DPP6: variants seen among roughly 807,000 people sequenced by gnomAD.
DPP6 encodes dipeptidyl peptidase like 6.
Under a neutral mutation model 122.6 loss-of-function variants are expected in DPP6, and 69 were observed. The observed-to-expected ratio is 0.56, with a 90% confidence interval of 0.46 to 0.69. DPP6 has a LOEUF of 0.69. DPP6 is among the 30% of genes least tolerant of loss of function. The pLI is 0.00. For missense variants in DPP6, 928 were observed against 1,116.9 expected, an observed-to-expected ratio of 0.83 and a Z score of 2.41; for synonymous variants, 418 against 433.1, an observed-to-expected ratio of 0.97 and a Z score of 0.43.
intron 5 of DPP6, among the ~76,000 whole-genome samples, chr7:154,617,847 A>G (rs541082643): frequency 9.0e-4 from 137 of 152,322 alleles, no homozygotes; most frequent in Middle Eastern, 3.4e-3. Flanking sequence ...TAGCACTGGA[A>G]AACCCAGGAG....
chr7:154,033,745 G>A (rs1490207749), intron 1 of DPP6, among the ~76,000 whole-genome samples: 15 of 152,174 alleles, frequency 9.9e-5, no homozygotes, highest in African/African-American at 3.6e-4. Flanking sequence ...CACAATCACA[G>A]TTCTTGTTTG....
chr7:154,268,648 T>G (rs759033738), intron 1 of DPP6, among the ~76,000 whole-genome samples: 9 of 152,160 alleles, frequency 5.9e-5, no homozygotes, highest in Non-Finnish European at 1.3e-4. Flanking sequence ...ATTGTGTAGT[T>G]CAAACTAGGA....
intron 1 of DPP6, among the ~76,000 whole-genome samples, chr7:153,891,811 T>C (rs1477433585): frequency 1.3e-5 from 2 of 152,196 alleles, no homozygotes; most frequent in Non-Finnish European, 2.9e-5. Context: ...CATTGGTGGC[T>C]CCACCAGTAT....
intron 7 of DPP6, among the ~76,000 whole-genome samples, chr7:154,692,243 G>A (rs1211083385): frequency 6.6e-6 from 1 of 152,192 alleles, no homozygotes; most frequent in Non-Finnish European, 1.5e-5. Flanking sequence ...ACATGGACTT[G>A]TAGCAAGACA....
chr7:154,843,100 CAATGAAATA>C (rs1801679321), intron 16 of DPP6, among the ~76,000 whole-genome samples: 1 of 152,200 alleles, frequency 6.6e-6, no homozygotes, highest in Admixed American at 6.5e-5. Context: ...AAGGAACTCA[CAATGAAATA>C]TGATTGTATG....
intron 6 of DPP6, among the ~76,000 whole-genome samples, chr7:154,664,383 A>G (rs1042152975): frequency 9.2e-5 from 14 of 152,380 alleles, no homozygotes; most frequent in Non-Finnish European, 1.3e-4. Context: ...GTTTCTGAAT[A>G]TCTTAGATAC....
intron 6 of DPP6, among the ~76,000 whole-genome samples, chr7:154,660,974 G>T (rs1446000374): frequency 1.8e-5 from 2 of 111,992 alleles, no homozygotes; most frequent in Non-Finnish European, 3.5e-5. Context: ...GCATATTGGC[G>T]CTAGTATTCA....
intron 7 of DPP6, among the ~76,000 whole-genome samples, chr7:154,718,418 A>AT (rs1375069063): frequency 2.6e-5 from 4 of 151,956 alleles, no homozygotes; most frequent in African/African-American, 7.3e-5. Flanking sequence ...TTTTGAGTTG[A>AT]TTTTTTTAAG....
In DPP6 at chr7:154,159,937, C is replaced by T. The variant is rs376725313; in HGVS notation, c.243+106874C>T. ...CAGCCTGGGCAACATAGGGAGATCTCGTCTCTACCAAAAATCAGAAAGTTA... is the reference window on the plus strand; with the variant it reads ...CAGCCTGGGCAACATAGGGAGATCTTGTCTCTACCAAAAATCAGAAAGTTA... On this transcript the variant is annotated intron_variant, in intron 1 of 25. Coordinates refer to ENST00000377770, the MANE Select transcript of DPP6 (RefSeq NM_130797.4). Among the ~76,000 whole-genome samples, 7 of 141,140 alleles carry T rather than the reference C, an allele frequency of 5.0e-5. No homozygotes were observed. The East Asian group carries it at 1.5e-3, about 31-fold the overall frequency. The allele number at this position is 141,140 out of a possible 152,430, so 92.6% of individuals were successfully genotyped here. A position where few individuals can be genotyped will look rare whatever the true frequency, so the allele number is the denominator to read the frequency against.
At chr7:154,363,907 T>C (rs1239914329) in intron 1 of DPP6, among the ~76,000 whole-genome samples, 1 of 152,212 alleles carries the variant, frequency 6.6e-6, no homozygotes, top group African/African-American at 2.4e-5. Context: ...TTTTAAAATG[T>C]TATTAATTGG....
upstream of DPP6, among the ~76,000 whole-genome samples, chr7:153,884,792 C>T (rs1158381693): frequency 6.6e-6 from 1 of 151,716 alleles, no homozygotes; most frequent in Non-Finnish European, 1.5e-5. Flanking sequence ...CCAGCATGAC[C>T]AATATGGTGA....
At chr7:153,810,171 T>G in the DPP6 span, among the ~76,000 whole-genome samples, 2 of 152,228 alleles carry the variant, frequency 1.3e-5, no homozygotes, top group Non-Finnish European at 2.9e-5. Context: ...ATCTCACAGC[T>G]GTGAAGCCTT....
At chr7:154,005,656 G>A (rs1298977325) in intron 1 of DPP6, among the ~76,000 whole-genome samples, 1 of 150,016 alleles carries the variant, frequency 6.7e-6, no homozygotes, top group Non-Finnish European at 1.5e-5. Flanking sequence ...GCTGGACCTC[G>A]GGGATTGTGG....
the DPP6 span, among the ~76,000 whole-genome samples, chr7:153,792,811 C>A: frequency 6.6e-6 from 1 of 151,620 alleles, no homozygotes; most frequent in East Asian, 1.9e-4. Context: ...TGGGAGGGAC[C>A]CAGGGGGAGG....
At chr7:154,881,644 C>T (rs1339821807) in intron 21 of DPP6, among the ~76,000 whole-genome samples, 2 of 152,226 alleles carry the variant, frequency 1.3e-5, no homozygotes, top group Admixed American at 1.3e-4. Context: ...GACACCCCCG[C>T]AGGTGAAGGC....
chr7:154,574,802 T>TGTG (rs1304631850), intron 5 of DPP6, among the ~76,000 whole-genome samples: 52,845 of 128,142 alleles, frequency 0.41, 10,401 homozygotes, highest in Admixed American at 0.51. Flanking sequence ...TGGTGTGTGT[T>TGTG]TGTGTGTGTG....
At chr7:154,774,856 AT>A (rs1796466427) in intron 10 of DPP6, among the ~76,000 whole-genome samples, 1 of 152,166 alleles carries the variant, frequency 6.6e-6, no homozygotes, top group African/African-American at 2.4e-5. Flanking sequence ...TAGCAAGTAA[AT>A]CCCTGCAGGT....
At chr7:153,946,369 TAG>T (rs932518066) in intron 1 of DPP6, among the ~76,000 whole-genome samples, 25 of 152,146 alleles carry the variant, frequency 1.6e-4, no homozygotes, top group African/African-American at 5.6e-4. Flanking sequence ...CTCCCCATCT[TAG>T]ACCATATAGG....
chr7:154,163,804 C>A (rs3111937), intron 1 of DPP6, among the ~76,000 whole-genome samples: 4 of 138,382 alleles, frequency 2.9e-5, no homozygotes. Flanking sequence ...GGGTGGGAAG[C>A]ACCTGGGCCA....
Sources: gnomAD v4.1 joint callset for allele counts (sites outside exome capture counted in the v4.1 genomes callset) on GRCh38, gnomAD v4.1.1 for gene constraint, MANE v1.5 for transcripts, NCBI Gene and HGNC (gene_info 2026-07-23, HGNC 2026-07-21) for gene names.